The following WDR90 variants were observed in gnomAD, a reference collection of about 807,000 sequenced individuals.
WDR90 encodes the protein WD repeat domain 90, also known as WD repeat-containing protein 90.
Under a neutral mutation model 195.2 loss-of-function variants are expected in WDR90, and 238 were observed. The observed-to-expected ratio is 1.22, with a 90% CI of 1.10 to 1.36. The LOEUF (loss-of-function observed/expected upper bound fraction) is 1.36, where lower values mean the gene tolerates loss of function less well. Among genes scored for constraint, WDR90 ranks in the 40% most tolerant of loss-of-function variants. The pLI is 0.00. For missense variants in WDR90, 2,734 were observed against 2,439.5 expected (o/e 1.12, Z -2.54); for synonymous variants, 1,265 against 1,052.4 (o/e 1.20, Z -3.91).
At chr16:665,591 C>T (rs538225861) in intron 34 of WDR90, 88 bp from the exon 35 acceptor site, 57 of 1,602,166 alleles carry the variant, frequency 3.6e-5, no homozygotes, top group Admixed American at 1.3e-4. Flanking sequence ...TTGGACAGCC[C>T]GGCCCTGGGG....
intron 9 of WDR90, chr16:652,245 A>G: frequency 8.8e-6 from 7 of 799,628 alleles, no homozygotes; most frequent in Non-Finnish European, 1.4e-5. Context: ...GCTCACCCCC[A>G]ATGCGTCAGC....
intron 14 of WDR90, 38 bp from the exon 15 acceptor site, chr16:655,269 T>C (rs2037726390): frequency 8.1e-6 from 13 of 1,609,978 alleles, no homozygotes; most frequent in Non-Finnish European, 1.1e-5. Context: ...GTCAGGGCGC[T>C]GCGAGCTGCG....
At chr16:660,986 C>A in intron 28 of WDR90, 65 bp from the exon 29 acceptor site, 1 of 136,242 alleles carries the variant, frequency 7.3e-6, no homozygotes, top group Non-Finnish European at 1.1e-5. Context: ...CGGCCCCTCC[C>A]CAGGCCCCTC....
chr16:667,776 T>TTAAA lies in WDR90; in HGVS notation c.*187_*188insTAAA, dbSNP rs2038156445. On this transcript the variant is annotated 3_prime_UTR_variant, in exon 41 of 41. Coordinates refer to ENST00000293879, the MANE Select transcript of WDR90 (RefSeq NM_145294.5). ...AATACTTTCATACCTGTTGCCCTTTTGCCTAAGAAATCTTTAATGTTTCTA... is the reference window on the plus strand; with the variant it reads ...AATACTTTCATACCTGTTGCCCTTTTTAAAGCCTAAGAAATCTTTAATGTTTCTA... 1 of 787,786 alleles carries TTAAA rather than the reference T, an allele frequency of 1.3e-6. No homozygotes were observed. The highest frequency in any genetic ancestry group is 2.1e-6 in the Non-Finnish European group (1 of 474,032). 48.8% of individuals were successfully genotyped at this position (787,786 alleles called of 1,614,324 possible).
rs201142286 is a variant in WDR90, at chr16:656,849, G to T, written c.2320G>T (p.Ala774Ser). 6.2e-6 allele frequency: 10 copies of T among 1,612,824 alleles called. No individual in the cohort carries two copies. The East Asian group carries it at 2.2e-4, about 36-fold the overall frequency. ...GAVRSFSLEAAEVLVEHTCHR... is the reference protein window; with the variant it reads ...GAVRSFSLEASEVLVEHTCHR... ...CGTGCGCTCCTTCAGCCTGGAGGCC[G>T]CTGAGGTCCTGGTGGAACACACGTA... Residue 774 changes from alanine to serine, a missense_variant, in exon 19 of 41, where the codon GCT (alanine) becomes TCT (serine). By Grantham distance (99) the Ala-to-Ser change is moderately conservative. Coordinates refer to ENST00000293879, the MANE Select transcript of WDR90 (RefSeq NM_145294.5).
At chr16:656,900 C>A (rs200621977) in intron 19 of WDR90, 29 bp downstream of exon 19, 1 of 1,605,986 alleles carries the variant, frequency 6.2e-7, no homozygotes, top group South Asian at 1.1e-5. Flanking sequence ...ACCAGCCCCA[C>A]GGAGACCCCA....
intron 7 of WDR90, 104 bp from the exon 8 acceptor site, chr16:651,540 C>A: frequency 8.6e-7 from 1 of 1,156,956 alleles, no homozygotes; most frequent in Non-Finnish European, 1.2e-6. Context: ...TCCTGCAGAG[C>A]CGGTGAGGCT....
In WDR90 at chr16:649,396, G is replaced by C. The variant is rs1384275276; in HGVS notation, c.-21G>C. On this transcript the variant is annotated 5_prime_UTR_variant, in exon 1 of 41. Transcript: ENST00000293879. The stretch of plus-strand genomic sequence containing the variant: ...CGCTGGGCGCGCGGAGGCCTAGGCG[G>C]GAAGCTCGAGCGGCGGCGCCATGGC... 6.8e-6 allele frequency: 9 copies of C among 1,321,390 alleles called. No homozygotes were observed. The highest frequency in any genetic ancestry group is 7.7e-6 in the Non-Finnish European group (8 of 1,038,266). 81.9% of individuals were successfully genotyped at this position (1,321,390 alleles called of 1,614,324 possible).
In WDR90 at chr16:654,952, G is replaced by A. The variant is rs1280937805; in HGVS notation, c.1438-77G>A. On this transcript the variant is annotated intron_variant, in intron 13 of 40. Coordinates refer to ENST00000293879, the MANE Select transcript of WDR90 (RefSeq NM_145294.5). ...ATGAGAGAAAAGCCACCTCCGGGTGGGGCTCGGCTGGGCCTTGCAGAATCG... is the reference window on the plus strand; with the variant it reads ...ATGAGAGAAAAGCCACCTCCGGGTGAGGCTCGGCTGGGCCTTGCAGAATCG... 54 of 1,447,206 alleles carry A rather than the reference G, an allele frequency of 3.7e-5. No individual in the cohort carries two copies. The Admixed American group carries it at 9.8e-4, about 26-fold the overall frequency. 89.6% of individuals were successfully genotyped at this position (1,447,206 alleles called of 1,614,324 possible). A position where few individuals can be genotyped will look rare whatever the true frequency, so the allele number is the denominator to read the frequency against.
In WDR90 at chr16:655,863, A is replaced by G. The variant is rs2151224855; in HGVS notation, c.1940A>G (p.Asp647Gly). 1.3e-6 allele frequency: 2 copies of G among 1,598,488 alleles called. No homozygotes were observed. The highest frequency in any genetic ancestry group is 1.1e-5 in the South Asian group (1 of 89,004). ...EDGFLRLWPL[D>G]FSSVLLEAEH... The stretch of plus-strand genomic sequence containing the variant: ...GGCTTCTTGCGGCTCTGGCCCCTGG[A>G]CTTCTCCTCGGTGCTCCTGGAGGCA... The change falls in exon 17 of 41, where the codon GAC (aspartate) becomes GGC (glycine). Residue 647 changes from aspartate to glycine, a missense_variant. Transcript: ENST00000293879.
chr16:660,593 C>T lies in WDR90; in HGVS notation c.3289-19C>T, dbSNP rs181743607. ...GGCCATGCTGGGCCCCAGCAGCATC[C>T]GGGTCTCCTTCCTCGCAGGGCACTT... On this transcript the variant is annotated intron_variant, in intron 27 of 40. Transcript: ENST00000293879. 62 of 1,554,562 alleles carry T rather than the reference C, an allele frequency of 4.0e-5. No individual in the cohort carries two copies. The African/African-American group carries it at 5.2e-4, about 13-fold the overall frequency.
chr16:657,304 A>G (rs1164445561), intron 20 of WDR90, 83 bp downstream of exon 20: 15 of 1,443,964 alleles, frequency 1.0e-5, no homozygotes, highest in African/African-American at 4.3e-5. Context: ...CTGGACACAC[A>G]TGCCGGTTTC....
intron 27 of WDR90, 99 bp from the exon 28 acceptor site, chr16:660,513 C>T: frequency 7.9e-7 from 1 of 1,260,700 alleles, no homozygotes; most frequent in Non-Finnish European, 1.1e-6. Flanking sequence ...TCCTCTGCAG[C>T]TGGCCTGGGT....
chr16:662,102 C>T, intron 32 of WDR90, 43 bp downstream of exon 32: 3 of 1,579,820 alleles, frequency 1.9e-6, no homozygotes, highest in Non-Finnish European at 1.7e-6. Context: ...GGACCCCTAC[C>T]TGGGATCCTC....
At chr16:650,436 C>T (rs1567213473) in intron 4 of WDR90, 74 bp downstream of exon 4, 1 of 1,590,932 alleles carries the variant, frequency 6.3e-7, no homozygotes, top group South Asian at 1.1e-5. Flanking sequence ...AGTGAGGCTC[C>T]TCTGCGGCCT....
At chr16:652,444 T>G in intron 9 of WDR90, 23 bp from the exon 10 acceptor site, 1 of 1,592,402 alleles carries the variant, frequency 6.3e-7, no homozygotes, top group Middle Eastern at 1.7e-4. Flanking sequence ...CTCCCAGGAC[T>G]TTGATGCGAA....
At chr16:658,434 G>T in intron 22 of WDR90, 90 bp downstream of exon 22, 1 of 1,576,392 alleles carries the variant, frequency 6.3e-7, no homozygotes, top group Admixed American at 1.7e-5. Context: ...AGCTGGGTGG[G>T]GGGCCGTCGC....
At chr16:651,610 C>T (rs376804962) in intron 7 of WDR90, 34 bp from the exon 8 acceptor site, 4 of 1,603,304 alleles carry the variant, frequency 2.5e-6, no homozygotes, top group South Asian at 1.1e-5. Flanking sequence ...CACAGCTGGC[C>T]CCTGGGTCAC....
At chr16:657,343 G>C in intron 20 of WDR90, 122 bp downstream of exon 20, 1 of 1,391,370 alleles carries the variant, frequency 7.2e-7, no homozygotes. Flanking sequence ...CCTGTGGGGG[G>C]GCGTGGCCGC....
Sources: allele counts gnomAD v4.1 joint callset, GRCh38; gene constraint gnomAD v4.1.1; transcripts MANE v1.5; gene names NCBI Gene and HGNC (gene_info 2026-07-23, HGNC 2026-07-21).